Variants in VPS13B observed in about 807,000 individuals in gnomAD.
VPS13B encodes the protein vacuolar protein sorting 13 homolog B.
In VPS13B, 285 loss-of-function variants were observed where a neutral mutation model predicts 426.4. The observed-to-expected ratio is 0.67, with a 90% CI of 0.61 to 0.74. The LOEUF (loss-of-function observed/expected upper bound fraction) is 0.74. VPS13B is among the 30% of genes least tolerant of loss of function. VPS13B has a pLI of 0.00. For missense variants in VPS13B, 4,537 were observed against 4,782.6 expected (o/e 0.95, Z 1.51); for synonymous variants, 1,676 against 1,676.4 (o/e 1.00, Z 0.01).
At chr8:99,024,570 A>G (rs1842047507) in intron 2 of VPS13B, among the ~76,000 whole-genome samples, 1 of 152,010 alleles carries the variant, frequency 6.6e-6, no homozygotes, top group Non-Finnish European at 1.5e-5. Flanking sequence ...CCTTTCCCTA[A>G]TGTGTGTTCT....
At position 99,143,123 on chromosome 8, in the gene VPS13B, G is replaced by A; in HGVS notation, c.1801G>A (p.Ala601Thr). The change falls in exon 13 of 62, where the codon GCC (alanine) becomes ACC (threonine). Residue 601 changes from alanine to threonine, a missense_variant. Transcript: ENST00000357162. ...TAGGATTTTGAAAATGATTGTGTGTGCCTTGGAACATGAATATGAACCATA... is the reference window on the plus strand; with the variant it reads ...TAGGATTTTGAAAATGATTGTGTGTACCTTGGAACATGAATATGAACCATA... ...VHRILKMIVCALEHEYEPYSR... is the reference protein window; with the variant it reads ...VHRILKMIVCTLEHEYEPYSR... 1 of 1,614,028 alleles carries A rather than the reference G, an allele frequency of 6.2e-7. No individual in the cohort carries two copies. The highest frequency in any genetic ancestry group is 8.5e-7 in the Non-Finnish European group (1 of 1,179,950).
chr8:99,723,822 G>A (rs1218943391), intron 39 of VPS13B, among the ~76,000 whole-genome samples: 6 of 152,222 alleles, frequency 3.9e-5, no homozygotes, highest in Non-Finnish European at 5.9e-5. Context: ...CAAAGACAGG[G>A]ATGCTGGCCT....
At chr8:99,219,419 G>C (rs539576165) in intron 17 of VPS13B, among the ~76,000 whole-genome samples, 8 of 152,176 alleles carry the variant, frequency 5.3e-5, no homozygotes, top group Admixed American at 5.2e-4. Flanking sequence ...GGCTTCAAGT[G>C]GCAAAATGAG....
rs74386913 is a variant in VPS13B, at chr8:99,306,601, A to G, written c.2824+31347A>G. Among the ~76,000 whole-genome samples the G allele has an allele frequency of 3.5e-3, 529 of 152,232 alleles. 5 individuals are homozygous for G. The highest frequency in any genetic ancestry group is 0.012 in the African/African-American group (506 of 41,576). Reference sequence around the variant, plus strand: ...AACAAAATGCAAGAGACTAATGTTCATATTTATTTAGTGAATAAATTGGAG... The same window carrying G: ...AACAAAATGCAAGAGACTAATGTTCGTATTTATTTAGTGAATAAATTGGAG... On this transcript the variant is annotated intron_variant, in intron 19 of 61. Coordinates refer to ENST00000357162, the MANE Select transcript of VPS13B (RefSeq NM_152564.5).
intron 17 of VPS13B, among the ~76,000 whole-genome samples, chr8:99,238,561 T>C (rs1362616829): frequency 6.6e-6 from 1 of 152,164 alleles, no homozygotes; most frequent in Non-Finnish European, 1.5e-5. Flanking sequence ...GGCATCACTT[T>C]GTAGAATAAA....
chr8:99,490,531 T>C (rs886723667), intron 25 of VPS13B, among the ~76,000 whole-genome samples: 2 of 152,224 alleles, frequency 1.3e-5, no homozygotes, highest in African/African-American at 4.8e-5. Context: ...CATCTGGTCC[T>C]GGACTTTTTT....
Position 99,821,103 on chromosome 8 carries a change from A to AACACACACAC in VPS13B, c.8995-136_8995-127dup, listed in dbSNP as rs755074579. On this transcript the variant is annotated intron_variant, in intron 49 of 61. Transcript: ENST00000357162. ...AATAGAATGTACGTTGTCATTACAA[A>AACACACACAC]ACACACACACACACACACACACACA... 6.9e-3 allele frequency among the ~76,000 whole-genome samples: 544 copies of AACACACACAC among 78,338 alleles called. 11 individuals carry two copies. Among genetic ancestry groups the AACACACACAC allele is most frequent in the East Asian group, 0.011 (28 of 2,644 alleles). 51.4% of individuals were successfully genotyped at this position (78,338 alleles called of 152,430 possible).
intron 23 of VPS13B, among the ~76,000 whole-genome samples, chr8:99,459,103 C>T (rs999028663): frequency 7.2e-5 from 11 of 152,048 alleles, no homozygotes; most frequent in African/African-American, 2.2e-4. Flanking sequence ...GTATGATGGT[C>T]ATTCTTTTAA....
At chr8:99,845,696 G>T (rs115687938) in intron 54 of VPS13B, among the ~76,000 whole-genome samples, 322 of 152,302 alleles carry the variant, frequency 2.1e-3, no homozygotes, top group African/African-American at 7.4e-3. Flanking sequence ...TGGATACTGG[G>T]ATGTACAATT....
intron 2 of VPS13B, among the ~76,000 whole-genome samples, chr8:99,029,599 C>T (rs1215754314): frequency 6.6e-6 from 1 of 152,036 alleles, no homozygotes; most frequent in African/African-American, 2.4e-5. Flanking sequence ...CAGCAAAACC[C>T]TGTCTCCACC....
At chr8:99,726,719 C>G (rs1006028011) in intron 39 of VPS13B, among the ~76,000 whole-genome samples, 2 of 152,132 alleles carry the variant, frequency 1.3e-5, no homozygotes, top group Non-Finnish European at 2.9e-5. Context: ...CCACACCTGG[C>G]TAATTTTTGT....
At chr8:99,559,249 G>A (rs1824760888) in intron 31 of VPS13B, among the ~76,000 whole-genome samples, 1 of 151,988 alleles carries the variant, frequency 6.6e-6, no homozygotes, top group Non-Finnish European at 1.5e-5. Context: ...TTTTTGATGG[G>A]GTTATTTGAT....
chr8:99,208,449 C>A lies in VPS13B; in HGVS notation c.2515+15392C>A, dbSNP rs545437734. 5.1e-4 allele frequency among the ~76,000 whole-genome samples: 77 copies of A among 151,964 alleles called. 1 individual carries two copies. The highest frequency in any genetic ancestry group is 3.4e-3 in the Middle Eastern group (1 of 292). ...ATAATTTAAAATGAAATTTTGGTTG[C>A]AAAATTCCATTAATCCCAAGTTTCT... On this transcript the variant is annotated intron_variant, in intron 17 of 61. Coordinates refer to ENST00000357162, the MANE Select transcript of VPS13B (RefSeq NM_152564.5).
In VPS13B at chr8:99,037,619, ATAAC is replaced by A. The variant is rs1842806055; in HGVS notation, c.148-800_148-797del. On this transcript the variant is annotated intron_variant, in intron 2 of 61. Transcript: ENST00000357162. ...ATTAACTTTCACAAATAGAGTTACA[ATAAC>A]TAAAAATGTGATAGAAATACATTTT... Among the ~76,000 whole-genome samples, 7 of 152,278 alleles carry A rather than the reference ATAAC, an allele frequency of 4.6e-5. No individual in the cohort carries two copies. The South Asian group carries it at 1.4e-3, about 32-fold the overall frequency.
At position 99,280,092 on chromosome 8, in the gene VPS13B, T is replaced by G. The variant is rs191960157; in HGVS notation, c.2824+4838T>G. ...CCCATCATTTCAATTTCTGAGCCAG[T>G]GTTAAGAGTTCTATTTACATGTCTC... On this transcript the variant is annotated intron_variant, in intron 19 of 61. Coordinates refer to ENST00000357162, the MANE Select transcript of VPS13B (RefSeq NM_152564.5). Among the ~76,000 whole-genome samples the G allele has an allele frequency of 5.2e-3, 791 of 152,226 alleles. 5 individuals are homozygous for G. The highest frequency in any genetic ancestry group is 0.018 in the African/African-American group (731 of 41,546).
At chr8:99,077,111 T>C (rs568323655) in intron 3 of VPS13B, among the ~76,000 whole-genome samples, 55 of 152,168 alleles carry the variant, frequency 3.6e-4, no homozygotes, top group Non-Finnish European at 6.2e-4. Flanking sequence ...GCTTTTCTTT[T>C]AGGGTGGTTT....
At chr8:99,729,134 G>T (rs1833484477) in intron 39 of VPS13B, among the ~76,000 whole-genome samples, 1 of 152,058 alleles carries the variant, frequency 6.6e-6, no homozygotes, top group South Asian at 2.1e-4. Flanking sequence ...CATGGGGAGA[G>T]CCACGTTTTA....
intron 16 of VPS13B, among the ~76,000 whole-genome samples, chr8:99,182,844 C>G (rs2132699527): frequency 6.6e-6 from 1 of 152,338 alleles, no homozygotes; most frequent in African/African-American, 2.4e-5. Flanking sequence ...TCAAGAGATT[C>G]CCGGGCCTCA....
chr8:99,816,750 A>C (rs1302033748), intron 44 of VPS13B, among the ~76,000 whole-genome samples: 2 of 152,138 alleles, frequency 1.3e-5, no homozygotes, highest in East Asian at 3.9e-4. Flanking sequence ...GACTGCAGTG[A>C]GCTGTGATCA....
Sources: gnomAD v4.1 joint callset for allele counts (sites outside exome capture counted in the v4.1 genomes callset) on GRCh38, gnomAD v4.1.1 for gene constraint, MANE v1.5 for transcripts, NCBI Gene and HGNC (gene_info 2026-07-23, HGNC 2026-07-21) for gene names.